TAFA5: variants seen among roughly 807,000 people sequenced by gnomAD.
The protein encoded by TAFA5 is chemokine-like protein TAFA-5.
In TAFA5, 6 loss-of-function variants were observed where a neutral mutation model predicts 15.3. That is an observed-to-expected ratio of 0.39 (90% CI 0.21 to 0.77). The LOEUF is 0.77. Among genes scored for constraint, TAFA5 ranks in the 30% least tolerant of loss-of-function variants. The pLI is 0.41. For synonymous variants in TAFA5, 103 were observed against 80.7 expected, an observed-to-expected ratio of 1.28 and a Z score of -1.48; for missense variants, 161 against 193.1, an observed-to-expected ratio of 0.83 and a Z score of 0.98.
chr22:48,682,719 C>T (rs1374197063), intron 2 of TAFA5, among the ~76,000 whole-genome samples: 1 of 152,210 alleles, frequency 6.6e-6, no homozygotes, highest in Non-Finnish European at 1.5e-5. Context: ...TACCCAGAAG[C>T]ACAGTCATTG....
chr22:48,507,194 G>T (rs957280065), intron 1 of TAFA5, among the ~76,000 whole-genome samples: 1 of 126,232 alleles, frequency 7.9e-6, no homozygotes, highest in Non-Finnish European at 1.7e-5. Flanking sequence ...GAAGGAGACG[G>T]CCGCCAAGGG....
chr22:48,622,529 C>T (rs1184126098), intron 1 of TAFA5, among the ~76,000 whole-genome samples: 7 of 152,038 alleles, frequency 4.6e-5, no homozygotes, highest in Admixed American at 6.6e-5. Flanking sequence ...GGCTTGGTGT[C>T]GGGAGGAGGA....
intron 2 of TAFA5, among the ~76,000 whole-genome samples, chr22:48,662,987 T>G (rs928746487): frequency 3.9e-5 from 6 of 152,198 alleles, no homozygotes; most frequent in Non-Finnish European, 7.4e-5. Context: ...TGGCAGCTCA[T>G]GCCTCCCACA....
chr22:48,624,139 A>T (rs1925946620), intron 1 of TAFA5, among the ~76,000 whole-genome samples: 1 of 152,192 alleles, frequency 6.6e-6, no homozygotes, highest in African/African-American at 2.4e-5. Context: ...TGAGGAGCGA[A>T]GTTGGGTATT....
chr22:48,526,790 T>C (rs1347622161), intron 1 of TAFA5, among the ~76,000 whole-genome samples: 1 of 152,226 alleles, frequency 6.6e-6, no homozygotes, highest in Non-Finnish European at 1.5e-5. Flanking sequence ...AGAGGGGAAT[T>C]AGTTTAAAAA....
intron 3 of TAFA5, among the ~76,000 whole-genome samples, chr22:48,728,922 GATAGGCT>G (rs1388876242): frequency 6.6e-6 from 1 of 152,196 alleles, no homozygotes; most frequent in Non-Finnish European, 1.5e-5. Flanking sequence ...ACTAGGCTGA[GATAGGCT>G]GAAAGCTACA....
chr22:48,704,330 C>T (rs758530552), intron 2 of TAFA5, among the ~76,000 whole-genome samples: 7 of 151,986 alleles, frequency 4.6e-5, no homozygotes, highest in African/African-American at 9.7e-5. Context: ...GTTTAAGGTT[C>T]GTGTTTGTGG....
At chr22:48,497,312 C>T (rs943266740) in intron 1 of TAFA5, among the ~76,000 whole-genome samples, 5 of 152,202 alleles carry the variant, frequency 3.3e-5, no homozygotes, top group Admixed American at 6.5e-5. Context: ...CAGGGTTCTT[C>T]CATCTTCAGG....
chr22:48,497,184 C>T (rs1928358338), intron 1 of TAFA5, among the ~76,000 whole-genome samples: 1 of 152,242 alleles, frequency 6.6e-6, no homozygotes, highest in African/African-American at 2.4e-5. Context: ...CCCCGTTCCG[C>T]CCCCGCCTGC....
intron 1 of TAFA5, among the ~76,000 whole-genome samples, chr22:48,609,736 G>A (rs1208383906): frequency 1.3e-5 from 2 of 152,230 alleles, no homozygotes; most frequent in Admixed American, 1.3e-4. Flanking sequence ...TGCTTCTGGA[G>A]GCCGGGGGTC....
intron 2 of TAFA5, among the ~76,000 whole-genome samples, chr22:48,673,838 C>T (rs1336363784): frequency 6.6e-6 from 1 of 152,186 alleles, no homozygotes; most frequent in Non-Finnish European, 1.5e-5. Flanking sequence ...TGCCAACCCA[C>T]AGGTTCTTTA....
At chr22:48,612,331 T>C (rs892156439) in intron 1 of TAFA5, among the ~76,000 whole-genome samples, 29 of 152,196 alleles carry the variant, frequency 1.9e-4, no homozygotes, top group Non-Finnish European at 1.3e-4. Flanking sequence ...GCCTGTGAGA[T>C]CACGGCAGGC....
chr22:48,563,722 G>A (rs995049005), intron 1 of TAFA5, among the ~76,000 whole-genome samples: 3 of 152,256 alleles, frequency 2.0e-5, no homozygotes, highest in African/African-American at 2.4e-5. Context: ...CCAGCGAGCT[G>A]AGCAGGGTAT....
intron 2 of TAFA5, among the ~76,000 whole-genome samples, chr22:48,667,023 C>A (rs994738759): frequency 6.6e-6 from 1 of 152,136 alleles, no homozygotes; most frequent in Admixed American, 6.5e-5. Flanking sequence ...CTGGGGAAGC[C>A]CAAACAGGGA....
chr22:48,604,781 G>A (rs1761421771), intron 1 of TAFA5, among the ~76,000 whole-genome samples: 1 of 152,198 alleles, frequency 6.6e-6, no homozygotes, highest in Admixed American at 6.5e-5. Context: ...GAGGGGCCCA[G>A]GGCAGGCTGG....
chr22:48,611,296 C>T (rs774857807), intron 1 of TAFA5, among the ~76,000 whole-genome samples: 1 of 152,232 alleles, frequency 6.6e-6, no homozygotes, highest in Non-Finnish European at 1.5e-5. Flanking sequence ...CTCTCTGCTC[C>T]CTTCCTTCAC....
intron 2 of TAFA5, among the ~76,000 whole-genome samples, chr22:48,699,763 T>C (rs889488638): frequency 6.6e-6 from 1 of 152,184 alleles, no homozygotes; most frequent in Non-Finnish European, 1.5e-5. Flanking sequence ...AATAATCCAA[T>C]TATTGCAGCG....
chr22:48,509,438 C>T (rs552214880), intron 1 of TAFA5, among the ~76,000 whole-genome samples: 5 of 152,294 alleles, frequency 3.3e-5, no homozygotes, highest in South Asian at 4.2e-4. Context: ...ATAGTGTATA[C>T]GGCTTCCCTT....
At chr22:48,641,366 C>T (rs1488399783) in intron 1 of TAFA5, among the ~76,000 whole-genome samples, 2 of 152,110 alleles carry the variant, frequency 1.3e-5, no homozygotes, top group African/African-American at 2.4e-5. Context: ...GGATGTGTTC[C>T]GGGAGGGGCT....
Sources: gnomAD v4.1 joint callset for allele counts (sites outside exome capture counted in the v4.1 genomes callset) on GRCh38, gnomAD v4.1.1 for gene constraint, MANE v1.5 for transcripts, NCBI Gene and HGNC (gene_info 2026-07-23, HGNC 2026-07-21) for gene names.